The following RYR2 variants were observed in gnomAD, a reference collection of about 807,000 sequenced individuals.
The protein encoded by RYR2 is ryanodine receptor 2, also known as cardiac muscle ryanodine receptor-calcium release channel.
A neutral mutation model predicts 601.1 loss-of-function variants in RYR2; 227 were observed. The ratio of observed to expected loss-of-function variants is 0.38; its 90% CI spans 0.34 to 0.42. RYR2 has a LOEUF of 0.42. Among genes scored for constraint, RYR2 ranks in the 10% least tolerant of loss-of-function variants. RYR2 has a pLI of 1.00. For missense variants in RYR2, 4,646 were observed against 6,156.5 expected (o/e 0.75, Z 8.21); for synonymous variants, 2,223 against 2,175.1 (o/e 1.02, Z -0.61).
intron 92 of RYR2, among the ~76,000 whole-genome samples, chr1:237,788,350 G>A (rs1269909794): frequency 6.6e-6 from 1 of 152,106 alleles, no homozygotes; most frequent in Non-Finnish European, 1.5e-5. Context: ...CTCTACTCAT[G>A]TTCACACTCC....
intron 17 of RYR2, among the ~76,000 whole-genome samples, chr1:237,484,935 A>C (rs1180654980): frequency 6.6e-6 from 1 of 152,234 alleles, no homozygotes; most frequent in Non-Finnish European, 1.5e-5. Context: ...GAACATAAAT[A>C]ATTCACAGTT....
chr1:237,081,570 A>G (rs1665666822), intron 1 of RYR2, among the ~76,000 whole-genome samples: 1 of 151,892 alleles, frequency 6.6e-6, no homozygotes, highest in African/African-American at 2.4e-5. Context: ...GACATTTCTC[A>G]TGCATTTATG....
intron 59 of RYR2, 63 bp downstream of exon 59, chr1:237,674,282 A>C: frequency 1.0e-5 from 13 of 1,253,588 alleles, no homozygotes; most frequent in Non-Finnish European, 1.3e-5. Context: ...AAATATCTCC[A>C]TCATATTTAA....
intron 82 of RYR2, among the ~76,000 whole-genome samples, chr1:237,759,267 T>C (rs1218960956): frequency 6.6e-6 from 1 of 152,108 alleles, no homozygotes; most frequent in South Asian, 2.1e-4. Flanking sequence ...TTGTATTTTT[T>C]AGTAGAGACG....
intron 48 of RYR2, among the ~76,000 whole-genome samples, chr1:237,647,414 T>A (rs79533991): frequency 1.3e-5 from 2 of 152,236 alleles, no homozygotes; most frequent in Non-Finnish European, 2.9e-5. Flanking sequence ...ATTATTCTTA[T>A]AATGTAAGGA....
At chr1:237,142,084 TG>T (rs1673449020) in intron 1 of RYR2, among the ~76,000 whole-genome samples, 1 of 152,194 alleles carries the variant, frequency 6.6e-6, no homozygotes, top group Non-Finnish European at 1.5e-5. Context: ...TATGACCAGG[TG>T]GGGCCCCCAT....
At chr1:237,675,609 C>T (rs753170783) in intron 60 of RYR2, among the ~76,000 whole-genome samples, 7 of 152,104 alleles carry the variant, frequency 4.6e-5, no homozygotes, top group Non-Finnish European at 8.8e-5. Flanking sequence ...TCGTTCTCGA[C>T]GTTTTCTCTT....
At chr1:237,252,196 G>A (rs1317580762) in intron 1 of RYR2, among the ~76,000 whole-genome samples, 2 of 151,736 alleles carry the variant, frequency 1.3e-5, no homozygotes, top group East Asian at 1.9e-4. Flanking sequence ...TCAGTCCTCC[G>A]TGGCCCTCTG....
chr1:237,560,117 T>C (rs1396484937), intron 27 of RYR2, among the ~76,000 whole-genome samples: 2 of 152,220 alleles, frequency 1.3e-5, no homozygotes, highest in Non-Finnish European at 2.9e-5. Context: ...GGTGTAAGCT[T>C]TCTCAGGTTT....
intron 29 of RYR2, among the ~76,000 whole-genome samples, chr1:237,580,081 G>A (rs189496768): frequency 4.5e-4 from 68 of 151,786 alleles, no homozygotes; most frequent in African/African-American, 1.5e-3. Flanking sequence ...TAATTCTTAC[G>A]ACTGTGAGGA....
intron 91 of RYR2, among the ~76,000 whole-genome samples, chr1:237,786,708 G>A (rs186816434): frequency 5.9e-5 from 9 of 152,298 alleles, no homozygotes; most frequent in East Asian, 1.9e-4. Context: ...CTTTCTCCAC[G>A]TTTATAGAAT....
rs745934336 is a variant in RYR2, at chr1:237,709,029, A to G, written c.10073A>G (p.Glu3358Gly). ...GAGGCAGAACTCCTCATCCTAGATG[A>G]GTTCACCACACTGGCCAGAGATCTC... ...MSEAELLILD[E>G]FTTLARDLYA... is the part of the protein sequence containing the mutation. Residue 3358 changes from glutamate to glycine, a missense_variant, in exon 69 of 105, where the codon GAG (glutamate) becomes GGG (glycine). By Grantham distance (98) the Glu-to-Gly change is moderately conservative. This residue lies in a region of RYR2 where 1,497 missense variants were observed against 1,842.6 expected (regional missense o/e 0.81). Coordinates refer to ENST00000366574, the MANE Select transcript of RYR2 (RefSeq NM_001035.3). 1 of 1,612,586 alleles carries G rather than the reference A, an allele frequency of 6.2e-7. No individual in the cohort carries two copies.
At chr1:237,519,794 GT>G (rs975495416) in intron 24 of RYR2, among the ~76,000 whole-genome samples, 3 of 152,010 alleles carry the variant, frequency 2.0e-5, no homozygotes, top group African/African-American at 7.3e-5. Context: ...TTTTAGGATT[GT>G]TTTTCCCTAA....
At chr1:237,312,948 A>G (rs1194544686) in intron 2 of RYR2, among the ~76,000 whole-genome samples, 1 of 152,180 alleles carries the variant, frequency 6.6e-6, no homozygotes, top group Non-Finnish European at 1.5e-5. Flanking sequence ...CAAAACACCA[A>G]GATAGACTGA....
intron 80 of RYR2, among the ~76,000 whole-genome samples, chr1:237,748,721 G>A (rs1158358725): frequency 2.0e-5 from 3 of 152,212 alleles, no homozygotes; most frequent in African/African-American, 7.2e-5. Context: ...ATGCATATGA[G>A]TATGTGGACC....
At chr1:237,628,183 G>T (rs1272381012) in intron 41 of RYR2, 103 bp downstream of exon 41, 2 of 1,243,364 alleles carry the variant, frequency 1.6e-6, no homozygotes, top group South Asian at 1.7e-5. Flanking sequence ...ATATTGTCTG[G>T]ATTATACGAT....
chr1:237,413,998 A>G (rs937598378), intron 10 of RYR2, among the ~76,000 whole-genome samples: 1 of 152,122 alleles, frequency 6.6e-6, no homozygotes, highest in African/African-American at 2.4e-5. Context: ...TTCATTTTCC[A>G]AGTTGTCAAT....
chr1:237,257,331 A>T (rs949735653), intron 1 of RYR2, among the ~76,000 whole-genome samples: 2 of 152,156 alleles, frequency 1.3e-5, no homozygotes, highest in Non-Finnish European at 2.9e-5. Flanking sequence ...AGAGCTCTTC[A>T]TTTCTTAGCC....
At chr1:237,298,921 G>T (rs959199699) in intron 2 of RYR2, among the ~76,000 whole-genome samples, 1 of 152,046 alleles carries the variant, frequency 6.6e-6, no homozygotes, top group Non-Finnish European at 1.5e-5. Flanking sequence ...GATCCCTTGA[G>T]CCCAGGAATT....
Sources: gnomAD v4.1 joint callset for allele counts (sites outside exome capture counted in the v4.1 genomes callset) on GRCh38, gnomAD v4.1.1 for gene constraint, gnomAD v4.1.1 regional missense constraint, MANE v1.5 for transcripts, NCBI Gene and HGNC (gene_info 2026-07-23, HGNC 2026-07-21) for gene names.